The following FKTN variants were observed in gnomAD, a reference collection of about 807,000 sequenced individuals.
FKTN encodes the protein fukutin.
FKTN carries 47 observed loss-of-function variants against 58.6 expected under a neutral mutation model. That is an observed-to-expected ratio of 0.80 (90% confidence interval 0.63 to 1.02). The LOEUF is 1.02. FKTN is among the 50% of genes least tolerant of loss of function. FKTN has a pLI of 0.00. For synonymous variants in FKTN, 178 were observed against 191.9 expected (o/e 0.93, Z 0.60); for missense variants, 516 against 537.3 (o/e 0.96, Z 0.39).
chr9:105,565,465 A>G (rs1839378111), intron 1 of FKTN, among the ~76,000 whole-genome samples: 1 of 152,220 alleles, frequency 6.6e-6, no homozygotes, highest in African/African-American at 2.4e-5. Flanking sequence ...TCTACCAAGC[A>G]AATGGAAAAC....
intron 1 of FKTN, among the ~76,000 whole-genome samples, chr9:105,568,754 A>G (rs903870224): frequency 6.6e-6 from 1 of 152,220 alleles, no homozygotes; most frequent in African/African-American, 2.4e-5. Flanking sequence ...ATCTAGAACT[A>G]GAAATACCAT....
At chr9:105,599,226 A>G (rs1202214850) in intron 4 of FKTN, among the ~76,000 whole-genome samples, 3 of 152,168 alleles carry the variant, frequency 2.0e-5, no homozygotes, top group African/African-American at 7.2e-5. Flanking sequence ...GCTTTTTTCT[A>G]TATTGAAATT....
intron 8 of FKTN, among the ~76,000 whole-genome samples, chr9:105,616,879 CAA>C (rs377163590): frequency 1.7e-4 from 20 of 119,790 alleles, no homozygotes; most frequent in East Asian, 2.5e-4. Flanking sequence ...TAGAATAAGC[CAA>C]AAAAAAAAAA....
chr9:105,579,233 C>G (rs1217150252), intron 3 of FKTN, among the ~76,000 whole-genome samples: 1 of 152,100 alleles, frequency 6.6e-6, no homozygotes, highest in South Asian at 2.1e-4. Context: ...GCTCTTGCTT[C>G]TCTAGTTCTC....
At chr9:105,623,979 T>A (rs956970811) in intron 10 of FKTN, among the ~76,000 whole-genome samples, 4 of 152,162 alleles carry the variant, frequency 2.6e-5, no homozygotes, top group Non-Finnish European at 5.9e-5. Context: ...TTTTTTAATT[T>A]AAAAAATTCT....
Position 105,607,945 on chromosome 9 carries a change from C to G in FKTN, c.774C>G (p.Phe258Leu), listed in dbSNP as rs1829205310. ...IECRYKEARA[F>L]FQQYLDDNTV... ...GTAGGTATAAAGAAGCTCGAGCATT[C>G]TTTCAGGTTAGAGACAACCAAATGT... is the stretch of plus-strand genomic sequence containing the variant. The change falls in exon 7 of 11, where the codon TTC becomes TTG. Residue 258 changes from phenylalanine (F) to leucine (L), a missense_variant. Coordinates refer to ENST00000357998, the MANE Select transcript of FKTN (RefSeq NM_001079802.2). The G allele has an allele frequency of 1.2e-6, 2 of 1,610,944 alleles. No individual in the cohort carries two copies. Among genetic ancestry groups the G allele is most frequent in the Non-Finnish European group, 1.7e-6 (2 of 1,177,340 alleles).
rs554088457 is a variant in FKTN, at chr9:105,638,105, A to G, written c.*2841A>G. Reference sequence around the variant, plus strand: ...TTAAACCCTCTTATTTTATAACTAAATAAATAATCACAGAAAAGAATGATC... The same window carrying G: ...TTAAACCCTCTTATTTTATAACTAAGTAAATAATCACAGAAAAGAATGATC... On this transcript the variant is annotated 3_prime_UTR_variant, in exon 11 of 11. Coordinates refer to ENST00000357998, the MANE Select transcript of FKTN (RefSeq NM_001079802.2). 2.0e-6 allele frequency: 2 copies of G among 975,754 alleles called. No individual in the cohort carries two copies. The highest frequency in any genetic ancestry group is 1.1e-4 in the East Asian group (1 of 8,762). 60.4% of individuals were successfully genotyped at this position (975,754 alleles called of 1,614,324 possible). A position where few individuals can be genotyped will look rare whatever the true frequency, so the allele number is the denominator to read the frequency against.
At chr9:105,611,328 A>T (rs10816282) in intron 7 of FKTN, among the ~76,000 whole-genome samples, 10,932 of 151,852 alleles carry the variant, frequency 0.072, 827 homozygotes, top group African/African-American at 0.2. Context: ...TGTACTTGGG[A>T]TTTATTTTTA....
intron 10 of FKTN, among the ~76,000 whole-genome samples, chr9:105,629,560 T>G (rs1469648604): frequency 6.6e-6 from 1 of 152,202 alleles, no homozygotes; most frequent in Non-Finnish European, 1.5e-5. Context: ...TGCTATTAGA[T>G]CTAGTTCTGG....
chr9:105,604,345 C>T lies in FKTN; in HGVS notation c.500C>T (p.Ala167Val). 1 of 1,614,114 alleles carries T rather than the reference C, an allele frequency of 6.2e-7. No homozygotes were observed. The highest frequency in any genetic ancestry group is 8.5e-7 in the Non-Finnish European group (1 of 1,179,986). ...CCCCTGCACTATATCTGCAAACTGG[C>T]CACTCATGCGATCCACTTGGTAGTC... ...EIPLHYICKL[A>V]THAIHLVVFH... Residue 167 changes from alanine to valine, a missense_variant, in exon 6 of 11, where the codon GCC (alanine) becomes GTC (valine). Physicochemically the swap from Ala to Val is moderately conservative, Grantham distance 64. Transcript: ENST00000357998.
intron 1 of FKTN, among the ~76,000 whole-genome samples, chr9:105,572,521 T>C (rs1457845724): frequency 6.6e-5 from 10 of 152,172 alleles, no homozygotes; most frequent in Non-Finnish European, 1.2e-4. Context: ...TAGAAAGAGA[T>C]CTCAGATAGA....
chr9:105,612,158 G>T (rs1049388186), intron 7 of FKTN, among the ~76,000 whole-genome samples: 1 of 151,630 alleles, frequency 6.6e-6, no homozygotes, highest in African/African-American at 2.4e-5. Context: ...TCATATGATT[G>T]TTGGCCACAT....
chr9:105,565,594 G>A (rs1188564338), intron 1 of FKTN, among the ~76,000 whole-genome samples: 2 of 151,790 alleles, frequency 1.3e-5, no homozygotes, highest in Admixed American at 6.6e-5. Flanking sequence ...AACAAGAAGA[G>A]CTAACTGTCT....
intron 3 of FKTN, among the ~76,000 whole-genome samples, chr9:105,592,515 TA>T (rs1845083878): frequency 6.6e-6 from 1 of 152,128 alleles, no homozygotes; most frequent in Non-Finnish European, 1.5e-5. Flanking sequence ...TGGGTGCCTG[TA>T]ATCCTAGCTA....
At chr9:105,619,286 C>T (rs1831410710) in intron 9 of FKTN, among the ~76,000 whole-genome samples, 1 of 152,118 alleles carries the variant, frequency 6.6e-6, no homozygotes, top group African/African-American at 2.4e-5. Context: ...CCTTGAGAAG[C>T]TCACTGTCTA....
chr9:105,613,156 T>C (rs1225327788), intron 7 of FKTN, among the ~76,000 whole-genome samples: 1 of 152,200 alleles, frequency 6.6e-6, no homozygotes, highest in Non-Finnish European at 1.5e-5. Flanking sequence ...GCAAGGATTC[T>C]TTTAACAGGT....
At chr9:105,632,120 G>A (rs1279717372) in intron 10 of FKTN, among the ~76,000 whole-genome samples, 1 of 151,936 alleles carries the variant, frequency 6.6e-6, no homozygotes, top group Non-Finnish European at 1.5e-5. Context: ...CCTTTGTAGG[G>A]ACATGGATGA....
chr9:105,569,264 T>G (rs1449277506), intron 1 of FKTN, among the ~76,000 whole-genome samples: 1 of 152,158 alleles, frequency 6.6e-6, no homozygotes, highest in Non-Finnish European at 1.5e-5. Flanking sequence ...GTTGTGCACA[T>G]GTACCCTAGA....
intron 10 of FKTN, among the ~76,000 whole-genome samples, chr9:105,633,141 G>A (rs866753715): frequency 2.0e-5 from 3 of 152,152 alleles, no homozygotes; most frequent in African/African-American, 7.2e-5. Context: ...TGGGGAAAAG[G>A]AAACCACAAA....
Sources: allele counts gnomAD v4.1 joint callset (sites outside exome capture counted in the v4.1 genomes callset), GRCh38; gene constraint gnomAD v4.1.1; transcripts MANE v1.5; gene names NCBI Gene and HGNC (gene_info 2026-07-23, HGNC 2026-07-21).